RSRC1: variants seen among roughly 807,000 people sequenced by gnomAD.
RSRC1 encodes arginine and serine rich coiled-coil 1, also known as serine/Arginine-related protein 53.
A neutral mutation model predicts 49.1 loss-of-function variants in RSRC1; 39 were observed. That is an observed-to-expected ratio of 0.79 (90% CI 0.61 to 1.04). The LOEUF is 1.04. Among genes scored for constraint, RSRC1 ranks in the 50% least tolerant of loss-of-function variants. RSRC1 has a pLI of 0.00. For missense variants in RSRC1, 388 were observed against 402.4 expected (o/e 0.96, Z 0.31); for synonymous variants, 143 against 130.8 (o/e 1.09, Z -0.63).
chr3:158,339,945 G>C (rs1306553980), intron 5 of RSRC1, among the ~76,000 whole-genome samples: 1 of 152,210 alleles, frequency 6.6e-6, no homozygotes, highest in Non-Finnish European at 1.5e-5. Context: ...GAGATTTTCT[G>C]AAAGTGATGT....
chr3:158,260,739 A>T (rs894353858), intron 4 of RSRC1, among the ~76,000 whole-genome samples: 1 of 152,176 alleles, frequency 6.6e-6, no homozygotes, highest in Non-Finnish European at 1.5e-5. Context: ...TCTAATTCCA[A>T]CGACTGGGAT....
At chr3:158,284,378 C>G (rs1385135680) in intron 4 of RSRC1, among the ~76,000 whole-genome samples, 6 of 146,352 alleles carry the variant, frequency 4.1e-5, no homozygotes, top group Admixed American at 1.4e-4. Context: ...TTTATAGCGG[C>G]ATGATTTATA....
At chr3:158,513,443 G>A (rs976584005) in intron 7 of RSRC1, among the ~76,000 whole-genome samples, 1 of 152,294 alleles carries the variant, frequency 6.6e-6, no homozygotes, top group East Asian at 1.9e-4. Flanking sequence ...TATTGAACCA[G>A]CCTTGCATTC....
chr3:158,392,267 T>C (rs1384374540), intron 6 of RSRC1, among the ~76,000 whole-genome samples: 1 of 152,126 alleles, frequency 6.6e-6, no homozygotes, highest in East Asian at 1.9e-4. Context: ...ATGAGAATAA[T>C]TTTGGTCCAG....
chr3:158,129,315 A>T (rs1715845832), intron 3 of RSRC1, among the ~76,000 whole-genome samples: 4 of 112,502 alleles, frequency 3.6e-5, no homozygotes, highest in East Asian at 2.5e-4. Flanking sequence ...TTTTTTTGAG[A>T]CTGAGTCTCT....
At chr3:158,176,016 C>G (rs1013441662) in intron 3 of RSRC1, among the ~76,000 whole-genome samples, 24 of 152,076 alleles carry the variant, frequency 1.6e-4, no homozygotes, top group Admixed American at 2.0e-4. Flanking sequence ...AACAGACAAA[C>G]AGAGAGCCAA....
intron 5 of RSRC1, among the ~76,000 whole-genome samples, chr3:158,317,428 C>T (rs1313984608): frequency 1.3e-5 from 2 of 152,122 alleles, no homozygotes; most frequent in Admixed American, 6.5e-5. Flanking sequence ...CAGGGTTTCA[C>T]CATGTTGCCC....
intron 5 of RSRC1, among the ~76,000 whole-genome samples, chr3:158,334,649 T>TGTG (rs1729770824): frequency 4.4e-5 from 6 of 137,448 alleles, no homozygotes; most frequent in Admixed American, 2.2e-4. Context: ...CCCAGCTAAT[T>TGTG]TGTGTGTGTG....
At chr3:158,290,399 A>G (rs1339129266) in intron 4 of RSRC1, among the ~76,000 whole-genome samples, 1 of 151,992 alleles carries the variant, frequency 6.6e-6, no homozygotes, top group African/African-American at 2.4e-5. Context: ...CAGCCTCCCA[A>G]GTAGCTGGGA....
At chr3:158,304,871 A>G (rs564339333) in intron 5 of RSRC1, among the ~76,000 whole-genome samples, 5 of 152,256 alleles carry the variant, frequency 3.3e-5, no homozygotes, top group African/African-American at 1.2e-4. Context: ...TCCTTTTAAC[A>G]CACAGTGCAT....
chr3:158,381,859 G>A (rs1013741618), intron 6 of RSRC1, among the ~76,000 whole-genome samples: 9 of 152,134 alleles, frequency 5.9e-5, no homozygotes, highest in Non-Finnish European at 1.2e-4. Context: ...GTGAGTGAAT[G>A]TGAGGGCCTA....
At chr3:158,411,684 C>A (rs1239386694) in intron 6 of RSRC1, among the ~76,000 whole-genome samples, 37 of 151,880 alleles carry the variant, frequency 2.4e-4, no homozygotes, top group Non-Finnish European at 4.7e-4. Context: ...CACCTGGCAG[C>A]ATTTTAATTT....
intron 6 of RSRC1, among the ~76,000 whole-genome samples, chr3:158,442,707 C>A (rs957911306): frequency 6.6e-6 from 1 of 152,018 alleles, no homozygotes; most frequent in Non-Finnish European, 1.5e-5. Context: ...AAAATCCTTT[C>A]CAGAAGGTTT....
chr3:158,495,349 G>A (rs542996316), intron 7 of RSRC1, among the ~76,000 whole-genome samples: 1 of 152,148 alleles, frequency 6.6e-6, no homozygotes, highest in South Asian at 2.1e-4. Context: ...AGAGTGGCAC[G>A]ATCTTGGCTC....
chr3:158,372,727 T>A (rs1732149350), intron 6 of RSRC1, among the ~76,000 whole-genome samples: 1 of 152,102 alleles, frequency 6.6e-6, no homozygotes, highest in African/African-American at 2.4e-5. Context: ...AAAATTTTTT[T>A]AATTTTAAAT....
At chr3:158,197,211 C>T (rs1015036400) in intron 3 of RSRC1, among the ~76,000 whole-genome samples, 2 of 152,138 alleles carry the variant, frequency 1.3e-5, no homozygotes, top group African/African-American at 2.4e-5. Flanking sequence ...GATTCAACTT[C>T]TTCCTGGTTT....
At chr3:158,262,820 A>G (rs549119263) in intron 4 of RSRC1, among the ~76,000 whole-genome samples, 2 of 152,176 alleles carry the variant, frequency 1.3e-5, no homozygotes, top group South Asian at 2.1e-4. Flanking sequence ...AATTATTTAT[A>G]TATATTTAAT....
chr3:158,370,020 T>A (rs911872120), intron 6 of RSRC1, among the ~76,000 whole-genome samples: 5 of 151,982 alleles, frequency 3.3e-5, no homozygotes, highest in African/African-American at 1.2e-4. Context: ...GGAAGTAGTA[T>A]TTGTGATATA....
At chr3:158,232,343 A>G (rs1243572237) in intron 4 of RSRC1, among the ~76,000 whole-genome samples, 1 of 152,168 alleles carries the variant, frequency 6.6e-6, no homozygotes, top group Non-Finnish European at 1.5e-5. Context: ...GTATCTAACA[A>G]AAAGTAGTCC....
Sources: allele counts gnomAD v4.1 joint callset (sites outside exome capture counted in the v4.1 genomes callset), GRCh38; gene constraint gnomAD v4.1.1; transcripts MANE v1.5; gene names NCBI Gene and HGNC (gene_info 2026-07-23, HGNC 2026-07-21).